Variants in SLC22A23 observed in about 807,000 individuals in gnomAD.
SLC22A23 encodes solute carrier family 22 member 23.
A neutral mutation model predicts 61.0 loss-of-function variants in SLC22A23; 26 were observed. The ratio of observed to expected loss-of-function variants is 0.43; its 90% CI spans 0.31 to 0.59. SLC22A23 has a LOEUF of 0.59. Ranked by LOEUF, SLC22A23 falls within the 20% of genes least tolerant of loss-of-function variation. The pLI, the probability that SLC22A23 is intolerant of heterozygous loss-of-function variation, is 0.11. For missense variants in SLC22A23, 796 were observed against 934.7 expected, an observed-to-expected ratio of 0.85 and a Z score of 1.94; for synonymous variants, 430 against 413.9, an observed-to-expected ratio of 1.04 and a Z score of -0.47.
intron 5 of SLC22A23, among the ~76,000 whole-genome samples, chr6:3,296,115 C>T (rs1761064213): frequency 1.3e-5 from 2 of 152,118 alleles, no homozygotes; most frequent in South Asian, 4.1e-4. Context: ...AGGGAAATGC[C>T]ACAAACAAAT....
chr6:3,422,091 T>C (rs1465603618), intron 1 of SLC22A23, among the ~76,000 whole-genome samples: 4 of 152,278 alleles, frequency 2.6e-5, no homozygotes, highest in East Asian at 1.9e-4. Flanking sequence ...GCAGTGTCAG[T>C]TGAGATAAAA....
In SLC22A23 at chr6:3,335,860, C is replaced by T. The variant is rs564462218; in HGVS notation, c.914-11858G>A. ...ATTCTAGCACTTTGGGAGGCCGAGG[C>T]GGGCGGATCAAGAGGTTAGGAGATC... On this transcript the variant is annotated intron_variant, in intron 3 of 9. Transcript: ENST00000406686. 1.1e-4 allele frequency among the ~76,000 whole-genome samples: 16 copies of T among 152,238 alleles called. No homozygotes were observed. The East Asian group carries it at 2.1e-3, about 20-fold the overall frequency.
intron 1 of SLC22A23, among the ~76,000 whole-genome samples, chr6:3,429,605 A>T (rs1324898087): frequency 6.6e-6 from 1 of 152,236 alleles, no homozygotes; most frequent in African/African-American, 2.4e-5. Flanking sequence ...ATGTACACCC[A>T]TGTTCATAGC....
At chr6:3,429,306 T>C (rs1428075216) in intron 1 of SLC22A23, among the ~76,000 whole-genome samples, 1 of 152,208 alleles carries the variant, frequency 6.6e-6, no homozygotes, top group East Asian at 1.9e-4. Context: ...CTCAAGAGTT[T>C]ATAACTGCTA....
chr6:3,272,850 T>C lies in SLC22A23; in HGVS notation c.*205A>G, dbSNP rs938651325. On this transcript the variant is annotated 3_prime_UTR_variant, in exon 10 of 10. Transcript: ENST00000406686. ...ACACATTTAACGGCAGAAAAGAAAG[T>C]CTTGAAAGGGTTATTTCCAAAGAGT... The C allele has an allele frequency of 2.0e-6, 1 of 492,136 alleles. No homozygotes were observed. The highest frequency in any genetic ancestry group is 3.6e-6 in the Non-Finnish European group (1 of 280,898). The allele number at this position is 492,136 out of a possible 1,614,324, so 30.5% of individuals were successfully genotyped here. A position where few individuals can be genotyped will look rare whatever the true frequency, so the allele number is the denominator to read the frequency against.
chr6:3,328,444 G>T lies in SLC22A23; in HGVS notation c.914-4442C>A, dbSNP rs899850720. Among the ~76,000 whole-genome samples, 1 of 152,166 alleles carries T rather than the reference G, an allele frequency of 6.6e-6. No individual in the cohort carries two copies. The highest frequency in any genetic ancestry group is 2.4e-5 in the African/African-American group (1 of 41,428). ...ACACTTTATGTGACGGAGGAGGAAG[G>T]CCTGAGGGAGTGGGGTGTGGGGGTT... is the stretch of plus-strand genomic sequence containing the variant. On this transcript the variant is annotated intron_variant, in intron 3 of 9. Coordinates refer to ENST00000406686, the MANE Select transcript of SLC22A23 (RefSeq NM_015482.2). The surrounding 1 kb of genome is among the most constrained non-coding windows in gnomAD (Gnocchi z 5.0).
At chr6:3,326,862 T>C (rs1043020270) in intron 3 of SLC22A23, among the ~76,000 whole-genome samples, 14 of 152,216 alleles carry the variant, frequency 9.2e-5, no homozygotes, top group South Asian at 4.1e-4. Context: ...CACTTGAGGA[T>C]TGCCATTAAT....
Position 3,333,160 on chromosome 6 carries a change from G to A in SLC22A23, c.914-9158C>T, listed in dbSNP as rs1313334474. 1.3e-5 allele frequency among the ~76,000 whole-genome samples: 2 copies of A among 152,134 alleles called. No homozygotes were observed. Among genetic ancestry groups the A allele is most frequent in the Non-Finnish European group, 1.5e-5 (1 of 68,014 alleles). On this transcript the variant is annotated intron_variant, in intron 3 of 9. Transcript: ENST00000406686. This position sits in a 1 kb window ranked among gnomAD's most constrained non-coding sequence, Gnocchi z 4.1. The stretch of plus-strand genomic sequence containing the variant: ...AACATTTTCCCTAAAGGTTTTGTAG[G>A]GAGTGCAAAATGGTGATCTGATTTT...
chr6:3,436,499 G>GA (rs894452322), intron 1 of SLC22A23, among the ~76,000 whole-genome samples: 31 of 152,216 alleles, frequency 2.0e-4, no homozygotes, highest in African/African-American at 7.0e-4. Flanking sequence ...CATCCTGACT[G>GA]ACCCCTCAAG....
At chr6:3,436,067 A>G (rs761519504) in intron 1 of SLC22A23, among the ~76,000 whole-genome samples, 1 of 152,158 alleles carries the variant, frequency 6.6e-6, no homozygotes, top group Non-Finnish European at 1.5e-5. Flanking sequence ...GTGAGAATGA[A>G]GCCAGGGCAG....
chr6:3,319,330 A>G (rs991333376), intron 4 of SLC22A23, among the ~76,000 whole-genome samples: 1 of 152,170 alleles, frequency 6.6e-6, no homozygotes, highest in Non-Finnish European at 1.5e-5. Flanking sequence ...TGTCTAGAAC[A>G]CTTTTCCGCC....
intron 3 of SLC22A23, among the ~76,000 whole-genome samples, chr6:3,377,261 G>A (rs1471094411): frequency 1.3e-5 from 2 of 152,218 alleles, no homozygotes; most frequent in Non-Finnish European, 2.9e-5. Flanking sequence ...GAAAAAGTTT[G>A]CTGAGCCCTA....
chr6:3,409,075 T>A (rs186511846), intron 3 of SLC22A23, among the ~76,000 whole-genome samples: 169 of 152,288 alleles, frequency 1.1e-3, no homozygotes, highest in Middle Eastern at 3.4e-3. Context: ...AAGAAACAAG[T>A]TCCCCAAACA....
At chr6:3,446,945 T>C (rs1024339169) in intron 1 of SLC22A23, among the ~76,000 whole-genome samples, 2 of 152,116 alleles carry the variant, frequency 1.3e-5, no homozygotes, top group Non-Finnish European at 2.9e-5. Context: ...GTTATCAGCA[T>C]CTTCTACAGG....
At chr6:3,293,267 TGAAA>T (rs1287918040) in intron 5 of SLC22A23, among the ~76,000 whole-genome samples, 1 of 151,762 alleles carries the variant, frequency 6.6e-6, no homozygotes, top group Non-Finnish European at 1.5e-5. Flanking sequence ...AGAAAGAGAA[TGAAA>T]GGGAAGAAGG....
At chr6:3,348,207 C>A (rs980429499) in intron 3 of SLC22A23, among the ~76,000 whole-genome samples, 2 of 152,182 alleles carry the variant, frequency 1.3e-5, no homozygotes, top group African/African-American at 4.8e-5. Context: ...TTCCACGATT[C>A]CATGCTTGGG....
chr6:3,430,509 A>C lies in SLC22A23; in HGVS notation c.655-14654T>G, dbSNP rs1770788670. On this transcript the variant is annotated intron_variant, in intron 1 of 9. Transcript: ENST00000406686. Reference sequence around the variant, plus strand: ...CAGGCCCCAGGAGGGACTGCAGACCAGTGCCACAGTCTCAGTGTTCCATGA... The same window carrying C: ...CAGGCCCCAGGAGGGACTGCAGACCCGTGCCACAGTCTCAGTGTTCCATGA... Among the ~76,000 whole-genome samples, 5 of 149,728 alleles carry C rather than the reference A, an allele frequency of 3.3e-5. No individual in the cohort carries two copies. The South Asian group carries it at 1.1e-3, about 33-fold the overall frequency.
At position 3,328,978 on chromosome 6, in the gene SLC22A23, A is replaced by C. The variant is rs946551514; in HGVS notation, c.914-4976T>G. Among the ~76,000 whole-genome samples, 1 of 151,580 alleles carries C rather than the reference A, an allele frequency of 6.6e-6. No homozygotes were observed. Among genetic ancestry groups the C allele is most frequent in the Non-Finnish European group, 1.5e-5 (1 of 67,950 alleles). On this transcript the variant is annotated intron_variant, in intron 3 of 9. Transcript: ENST00000406686. This position sits in a 1 kb window ranked among gnomAD's most constrained non-coding sequence, Gnocchi z 5.0. ...CCAGCCTGGACCAGGTCCCAGCCTC[A>C]CAGGGCACTGCCAAGCTCAAGGGAC...
At chr6:3,341,570 T>G (rs188462003) in intron 3 of SLC22A23, among the ~76,000 whole-genome samples, 1 of 152,356 alleles carries the variant, frequency 6.6e-6, no homozygotes, top group African/African-American at 2.4e-5. Flanking sequence ...GGTTAATCAC[T>G]GCTCTGGTGT....
Sources: allele counts gnomAD v4.1 joint callset (sites outside exome capture counted in the v4.1 genomes callset), GRCh38; gene constraint gnomAD v4.1.1; non-coding constraint Gnocchi (gnomAD v3.1); transcripts MANE v1.5; gene names NCBI Gene and HGNC (gene_info 2026-07-23, HGNC 2026-07-21).